PIK3R3: variants seen among roughly 807,000 people sequenced by gnomAD.
PIK3R3 encodes phosphoinositide-3-kinase regulatory subunit 3.
PIK3R3 carries 64 observed loss-of-function variants against 62.9 expected under a neutral mutation model. That is an observed-to-expected ratio of 1.02 (90% CI 0.83 to 1.25). The LOEUF (loss-of-function observed/expected upper bound fraction) is 1.25, where lower values mean the gene tolerates loss of function less well. Among genes scored for constraint, PIK3R3 ranks in the 50% most tolerant of loss-of-function variants. PIK3R3 has a pLI of 0.00. For synonymous variants in PIK3R3, 165 were observed against 189.0 expected (o/e 0.87, Z 1.04); for missense variants, 614 against 561.6 (o/e 1.09, Z -0.94).
chr1:46,062,840 G>GT (rs772550801), intron 5 of PIK3R3, among the ~76,000 whole-genome samples: 4 of 152,158 alleles, frequency 2.6e-5, no homozygotes, highest in South Asian at 2.1e-4. Flanking sequence ...GGGTGGATTG[G>GT]TTTTTTTAAA....
intron 1 of PIK3R3, among the ~76,000 whole-genome samples, chr1:46,111,902 T>G (rs1031485027): frequency 1.3e-5 from 2 of 152,198 alleles, no homozygotes; most frequent in African/African-American, 4.8e-5. Flanking sequence ...TAAGTCACCA[T>G]ATCAGTGAGG....
chr1:46,120,921 T>A (rs1160251168), intron 1 of PIK3R3, among the ~76,000 whole-genome samples: 5 of 152,182 alleles, frequency 3.3e-5, no homozygotes, highest in Non-Finnish European at 7.3e-5. Flanking sequence ...GTTTCCTCTA[T>A]CCAAAAACAG....
intron 1 of PIK3R3, among the ~76,000 whole-genome samples, chr1:46,108,934 C>T (rs1244548235): frequency 2.6e-5 from 4 of 152,120 alleles, no homozygotes; most frequent in Admixed American, 6.5e-5. Flanking sequence ...CCAAGGCGGG[C>T]GGATCACGAG....
intron 1 of PIK3R3, among the ~76,000 whole-genome samples, chr1:46,087,565 G>A (rs1167830822): frequency 6.6e-6 from 1 of 150,906 alleles, no homozygotes; most frequent in Non-Finnish European, 1.5e-5. Context: ...AGATATTCTA[G>A]GGTTACCCAA....
chr1:46,153,670 G>T, the PIK3R3 span, among the ~76,000 whole-genome samples: 1 of 152,178 alleles, frequency 6.6e-6, no homozygotes, highest in African/African-American at 2.4e-5. Context: ...TCGGATGTGG[G>T]AATTGAGGAG....
intron 1 of PIK3R3, among the ~76,000 whole-genome samples, chr1:46,102,890 C>T (rs785519): frequency 0.68 from 101,163 of 149,534 alleles, 34,384 homozygotes; most frequent in Non-Finnish European, 0.71. Context: ...ACAGGAGCAC[C>T]ATTCACAATA....
At chr1:46,081,005 C>A (rs553818814) in intron 1 of PIK3R3, among the ~76,000 whole-genome samples, 4 of 152,232 alleles carry the variant, frequency 2.6e-5, no homozygotes, top group South Asian at 4.2e-4. Context: ...TCACATCTCT[C>A]AAAAGACAAC....
At chr1:46,063,197 A>G (rs1393196598) in intron 5 of PIK3R3, among the ~76,000 whole-genome samples, 1 of 152,232 alleles carries the variant, frequency 6.6e-6, no homozygotes, top group East Asian at 1.9e-4. Flanking sequence ...GCTAGGTCTT[A>G]AAGAACTGAG....
At chr1:46,107,243 C>T (rs1212802309) in intron 1 of PIK3R3, among the ~76,000 whole-genome samples, 1 of 151,856 alleles carries the variant, frequency 6.6e-6, no homozygotes, top group East Asian at 1.9e-4. Context: ...CCAGCTACTC[C>T]GGAGGCTGAG....
rs1366189915 is a variant in PIK3R3 at position 46,042,167 on chromosome 1, G to A, written c.*1506C>T. 3 of 221,496 alleles carry A rather than the reference G, an allele frequency of 1.4e-5. No individual in the cohort carries two copies. The highest frequency in any genetic ancestry group is 2.7e-5 in the Non-Finnish European group (3 of 110,760). The allele number at this position is 221,496 out of a possible 1,614,324, so 13.7% of individuals were successfully genotyped here. On this transcript the variant is annotated 3_prime_UTR_variant, in exon 10 of 10. Coordinates refer to ENST00000262741, the MANE Select transcript of PIK3R3 (RefSeq NM_003629.4). This position sits in a 1 kb window ranked among gnomAD's most constrained non-coding sequence, Gnocchi z 4.3. ...TTTGTCAAATGAGTGTTGACTGATG[G>A]GTGTGGGGCATGATGGGGGCAGGAA... is the stretch of plus-strand genomic sequence containing the variant.
Position 46,132,258 on chromosome 1 carries a change from A to G in PIK3R3, c.-306T>C, listed in dbSNP as rs937237733. On this transcript the variant is annotated 5_prime_UTR_variant, in exon 1 of 10. Coordinates refer to ENST00000262741, the MANE Select transcript of PIK3R3 (RefSeq NM_003629.4). Reference sequence around the variant, plus strand: ...GGCTTCCCAAAAATCCTTTCTACACAGTCGCTCTCCGGGGAGAAAAGCTCC... The same window carrying G: ...GGCTTCCCAAAAATCCTTTCTACACGGTCGCTCTCCGGGGAGAAAAGCTCC... The G allele has an allele frequency of 1.7e-6, 2 of 1,145,032 alleles. No homozygotes were observed. The highest frequency in any genetic ancestry group is 4.5e-5 in the Admixed American group (1 of 22,252). 70.9% of individuals were successfully genotyped at this position (1,145,032 alleles called of 1,614,324 possible).
chr1:46,071,730 TAG>T (rs140765040), intron 3 of PIK3R3, among the ~76,000 whole-genome samples: 2,484 of 58,580 alleles, frequency 0.042, 172 homozygotes, highest in East Asian at 0.17. Context: ...TATATATATA[TAG>T]AGAGAGAGAG....
chr1:46,076,560 A>T (rs189679315), intron 3 of PIK3R3, among the ~76,000 whole-genome samples: 5 of 152,338 alleles, frequency 3.3e-5, no homozygotes, highest in African/African-American at 7.2e-5. Context: ...GTGCAAAGGT[A>T]TTAATTTCTT....
chr1:46,101,980 C>CTTTTTT lies in PIK3R3; in HGVS notation c.107-21236_107-21231dup, dbSNP rs538688681. 9.2e-4 allele frequency among the ~76,000 whole-genome samples: 83 copies of CTTTTTT among 89,934 alleles called. 2 individuals are homozygous for CTTTTTT. Among genetic ancestry groups the CTTTTTT allele is most frequent in the Non-Finnish European group, 1.2e-3 (59 of 50,432 alleles). 59.0% of individuals were successfully genotyped at this position (89,934 alleles called of 152,430 possible). A position where few individuals can be genotyped will look rare whatever the true frequency, so the allele number is the denominator to read the frequency against. ...ATGTATCAAAACATTGAATTGTATA[C>CTTTTTT]TTTTTTTTTTTTTTTTTTTTTTTTG... is the stretch of plus-strand genomic sequence containing the variant. On this transcript the variant is annotated intron_variant, in intron 1 of 9. Transcript: ENST00000262741.
chr1:46,139,567 A>C, the PIK3R3 span, among the ~76,000 whole-genome samples: 3 of 152,186 alleles, frequency 2.0e-5, no homozygotes, highest in Non-Finnish European at 4.4e-5. Context: ...TTGGCCTACC[A>C]AAGTGCTGGG....
chr1:46,084,812 T>A (rs1313706646), intron 1 of PIK3R3, among the ~76,000 whole-genome samples: 1 of 152,174 alleles, frequency 6.6e-6, no homozygotes, highest in African/African-American at 2.4e-5. Context: ...AAAGGGAAAC[T>A]TTAAGGTCAA....
intron 1 of PIK3R3, among the ~76,000 whole-genome samples, chr1:46,114,999 C>T (rs1342428369): frequency 6.6e-6 from 1 of 151,948 alleles, no homozygotes; most frequent in African/African-American, 2.4e-5. Context: ...AGAAAGCTAC[C>T]CAGATTTTAA....
At position 46,042,132 on chromosome 1, in the gene PIK3R3, C is replaced by A; in HGVS notation, c.*1541G>T. 1 of 220,324 alleles carries A rather than the reference C, an allele frequency of 4.5e-6. No homozygotes were observed. 13.6% of individuals were successfully genotyped at this position (220,324 alleles called of 1,614,324 possible). A position where few individuals can be genotyped will look rare whatever the true frequency, so the allele number is the denominator to read the frequency against. On this transcript the variant is annotated 3_prime_UTR_variant, in exon 10 of 10. Coordinates refer to ENST00000262741, the MANE Select transcript of PIK3R3 (RefSeq NM_003629.4). This position sits in a 1 kb window ranked among gnomAD's most constrained non-coding sequence, Gnocchi z 4.3. ...GGTCCCAGGATTGGCTCAGAGGCAG[C>A]TGGACTCTATTTGTCAAATGAGTGT...
intron 7 of PIK3R3, among the ~76,000 whole-genome samples, chr1:46,052,324 T>C (rs989063799): frequency 1.3e-5 from 2 of 152,040 alleles, no homozygotes; most frequent in Non-Finnish European, 2.9e-5. Context: ...AGCAAAACCA[T>C]GGACCAAGGG....
Sources: allele counts gnomAD v4.1 joint callset (sites outside exome capture counted in the v4.1 genomes callset), GRCh38; gene constraint gnomAD v4.1.1; non-coding constraint Gnocchi (gnomAD v3.1); transcripts MANE v1.5; gene names NCBI Gene and HGNC (gene_info 2026-07-23, HGNC 2026-07-21).